The following CHLSN variants were observed in gnomAD, a reference collection of about 807,000 sequenced individuals.
CHLSN encodes cholesin.
the CHLSN span, among the ~76,000 whole-genome samples, chr7:1,007,797 G>A: frequency 4.6e-5 from 7 of 152,176 alleles, no homozygotes; most frequent in African/African-American, 1.7e-4. Context: ...CCCAGAGGGG[G>A]AGAGGAGGGT....
the CHLSN span, among the ~76,000 whole-genome samples, chr7:1,036,586 C>T: frequency 2.0e-5 from 3 of 152,050 alleles, no homozygotes; most frequent in South Asian, 4.1e-4. Context: ...TGGGGGAGGC[C>T]GTGCATGTGT....
chr7:1,120,484 G>T, the CHLSN span, among the ~76,000 whole-genome samples: 160 of 152,166 alleles, frequency 1.1e-3, 1 homozygote, highest in African/African-American at 3.8e-3. Context: ...TACAGACAGG[G>T]TTTCACCATG....
chr7:1,123,885 C>A, the CHLSN span, among the ~76,000 whole-genome samples: 6 of 152,100 alleles, frequency 3.9e-5, no homozygotes, highest in Non-Finnish European at 7.4e-5. The surrounding 1 kb of genome is among the most constrained non-coding windows in gnomAD (Gnocchi z 4.4). Context: ...ACCGAGACCG[C>A]ATTCCCTGGC....
At chr7:1,011,750 C>T in the CHLSN span, among the ~76,000 whole-genome samples, 19 of 151,974 alleles carry the variant, frequency 1.3e-4, no homozygotes, top group Non-Finnish European at 2.1e-4. Flanking sequence ...ACACCATACA[C>T]ACACGCCAAC....
At chr7:1,134,583 A>C in the CHLSN span, among the ~76,000 whole-genome samples, 1 of 146,858 alleles carries the variant, frequency 6.8e-6, no homozygotes, top group Non-Finnish European at 1.5e-5. Context: ...TAAATAAATA[A>C]ATAGGCCGGG....
chr7:1,094,344 G>A, the CHLSN span, among the ~76,000 whole-genome samples: 3 of 152,224 alleles, frequency 2.0e-5, no homozygotes, highest in Non-Finnish European at 2.9e-5. Flanking sequence ...GCAGGGCGTC[G>A]GGATGTGTGG....
the CHLSN span, among the ~76,000 whole-genome samples, chr7:1,117,224 G>A: frequency 1.3e-4 from 4 of 30,748 alleles, no homozygotes; most frequent in East Asian, 1.1e-3. Context: ...CATCACCGAC[G>A]TCCACGCAGG....
the CHLSN span, among the ~76,000 whole-genome samples, chr7:1,127,958 C>T: frequency 2.6e-5 from 1 of 39,088 alleles, no homozygotes; most frequent in East Asian, 4.2e-4. Flanking sequence ...CCCTGTCACC[C>T]GGGCTGGAGT....
chr7:1,059,273 C>G, the CHLSN span: 2 of 165,500 alleles, frequency 1.2e-5, no homozygotes, highest in Non-Finnish European at 2.9e-5. Context: ...GTTAGGATTT[C>G]TGACTGAATA....
the CHLSN span, among the ~76,000 whole-genome samples, chr7:1,131,137 G>C: frequency 2.0e-5 from 3 of 147,316 alleles, no homozygotes; most frequent in African/African-American, 5.2e-5. Flanking sequence ...GCTGCAGTGA[G>C]CCATGACTGT....
At chr7:1,054,627 C>T in the CHLSN span, among the ~76,000 whole-genome samples, 27 of 152,196 alleles carry the variant, frequency 1.8e-4, no homozygotes, top group African/African-American at 6.3e-4. Context: ...GGCCTCACGG[C>T]GGGGCAGGCA....
the CHLSN span, chr7:1,021,588 C>A: frequency 2.1e-5 from 21 of 984,780 alleles, no homozygotes; most frequent in African/African-American, 1.0e-4. Flanking sequence ...ATCATTTCCC[C>A]ATGCTGTTGG....
chr7:1,041,835 A>G, the CHLSN span, among the ~76,000 whole-genome samples: 2 of 150,102 alleles, frequency 1.3e-5, no homozygotes, highest in African/African-American at 4.9e-5. Flanking sequence ...AGACAGACCC[A>G]GGCCAGCTGG....
chr7:1,089,141 T>G, the CHLSN span, among the ~76,000 whole-genome samples: 1 of 152,230 alleles, frequency 6.6e-6, no homozygotes, highest in Non-Finnish European at 1.5e-5. Context: ...CTGTGCCGTT[T>G]TTAAGAAATT....
chr7:1,036,624 T>C, the CHLSN span, among the ~76,000 whole-genome samples: 2 of 152,102 alleles, frequency 1.3e-5, no homozygotes, highest in Non-Finnish European at 2.9e-5. Flanking sequence ...GCAAACTCCA[T>C]CATCTGCTCA....
At chr7:1,033,447 G>T in the CHLSN span, among the ~76,000 whole-genome samples, 1 of 151,982 alleles carries the variant, frequency 6.6e-6, no homozygotes, top group African/African-American at 2.4e-5. Flanking sequence ...AATCCCAGCT[G>T]CTCAGGAAGC....
the CHLSN span, among the ~76,000 whole-genome samples, chr7:993,300 CTG>C: frequency 2.0e-5 from 3 of 152,292 alleles, no homozygotes; most frequent in South Asian, 6.2e-4. Flanking sequence ...CAGGGCCTGA[CTG>C]TGACTGGAGC....
At chr7:1,098,239 T>C in the CHLSN span, among the ~76,000 whole-genome samples, 10 of 151,994 alleles carry the variant, frequency 6.6e-5, no homozygotes, top group Non-Finnish European at 1.2e-4. Context: ...GCACAGCAAA[T>C]GCACAGGACA....
chr7:1,136,550 A>T, the CHLSN span, among the ~76,000 whole-genome samples: 7 of 112,384 alleles, frequency 6.2e-5, no homozygotes, highest in East Asian at 1.6e-3. Flanking sequence ...GAACATATAT[A>T]AACATATATA....
Sources: gnomAD v4.1 joint callset for allele counts (sites outside exome capture counted in the v4.1 genomes callset) on GRCh38, gnomAD v4.1.1 for gene constraint, Gnocchi (gnomAD v3.1) non-coding constraint, MANE v1.5 for transcripts, NCBI Gene and HGNC (gene_info 2026-07-23, HGNC 2026-07-21) for gene names.